Variants in SLCO6A1 observed in about 807,000 individuals in gnomAD.
The protein encoded by SLCO6A1 is solute carrier organic anion transporter family member 6A1.
SLCO6A1 carries 65 observed loss-of-function variants against 72.7 expected under a neutral mutation model. That is an observed-to-expected ratio of 0.89 (90% confidence interval 0.73 to 1.10). SLCO6A1 has a LOEUF of 1.10. Among genes scored for constraint, SLCO6A1 ranks in the 50% least tolerant of loss-of-function variants. The pLI is 0.00. For missense variants in SLCO6A1, 874 were observed against 872.6 expected (o/e 1.00, Z -0.02); for synonymous variants, 314 against 298.2 (o/e 1.05, Z -0.55).
chr5:102,451,331 A>G (rs1000874413), intron 6 of SLCO6A1, among the ~76,000 whole-genome samples: 2 of 152,112 alleles, frequency 1.3e-5, no homozygotes, highest in South Asian at 4.2e-4. Context: ...CATGCCAGTG[A>G]ACTTTGTCTG....
At chr5:102,389,469 G>A (rs1380507635) in intron 11 of SLCO6A1, among the ~76,000 whole-genome samples, 13 of 82,166 alleles carry the variant, frequency 1.6e-4, no homozygotes, top group African/African-American at 6.0e-4. Flanking sequence ...CACACACAGA[G>A]TTGCCCCCAA....
At chr5:102,388,201 C>T (rs1746521221) in intron 12 of SLCO6A1, among the ~76,000 whole-genome samples, 1 of 152,144 alleles carries the variant, frequency 6.6e-6, no homozygotes, top group Admixed American at 6.6e-5. Context: ...AATTATTTCC[C>T]AAACTAAAAT....
At chr5:102,460,757 C>T (rs1750983060) in intron 4 of SLCO6A1, among the ~76,000 whole-genome samples, 1 of 151,712 alleles carries the variant, frequency 6.6e-6, no homozygotes, top group Admixed American at 6.6e-5. Context: ...TCTTACAGAC[C>T]TTGTTTCTCA....
chr5:102,475,191 T>C (rs1384868175), intron 4 of SLCO6A1, among the ~76,000 whole-genome samples: 1 of 152,066 alleles, frequency 6.6e-6, no homozygotes, highest in Non-Finnish European at 1.5e-5. Flanking sequence ...AACTTTAATG[T>C]CCATTGAAAA....
intron 1 of SLCO6A1, among the ~76,000 whole-genome samples, chr5:102,482,457 C>T (rs1220824144): frequency 3.3e-5 from 5 of 152,088 alleles, no homozygotes; most frequent in African/African-American, 7.2e-5. Context: ...ACCCCTTGAT[C>T]GCAGATAACA....
Position 102,442,988 on chromosome 5 carries a change from G to A in SLCO6A1, c.1132-4227C>T, listed in dbSNP as rs1338254448. Among the ~76,000 whole-genome samples the A allele has an allele frequency of 2.0e-5, 3 of 152,308 alleles. No individual in the cohort carries two copies. The East Asian group carries it at 5.8e-4, about 29-fold the overall frequency. ...CAAGGCGGGTGGATCACAAGGTCAG[G>A]AGATCAAGACCATTCTGGCTAACAT... On this transcript the variant is annotated intron_variant, in intron 6 of 13. Transcript: ENST00000506729.
intron 10 of SLCO6A1, among the ~76,000 whole-genome samples, chr5:102,394,755 G>A (rs1031597226): frequency 6.6e-6 from 1 of 151,824 alleles, no homozygotes; most frequent in African/African-American, 2.4e-5. Flanking sequence ...TGTGATGAAA[G>A]GATAAAATAT....
At chr5:102,465,230 T>C (rs1751250184) in intron 4 of SLCO6A1, among the ~76,000 whole-genome samples, 1 of 152,068 alleles carries the variant, frequency 6.6e-6, no homozygotes, top group African/African-American at 2.4e-5. Flanking sequence ...CTTGGCCCAG[T>C]TCTCAGAGAG....
intron 10 of SLCO6A1, among the ~76,000 whole-genome samples, chr5:102,396,123 A>C (rs1000924365): frequency 6.6e-6 from 1 of 152,126 alleles, no homozygotes; most frequent in Non-Finnish European, 1.5e-5. Context: ...GCCCATGCCT[A>C]TGTGCTGAAT....
intron 6 of SLCO6A1, among the ~76,000 whole-genome samples, chr5:102,453,453 C>T (rs550133311): frequency 1.1e-4 from 17 of 152,158 alleles, no homozygotes; most frequent in Non-Finnish European, 1.6e-4. Context: ...AACACCTGAG[C>T]CACCTCAGAG....
intron 9 of SLCO6A1, among the ~76,000 whole-genome samples, chr5:102,411,690 T>C (rs1003577033): frequency 6.6e-6 from 1 of 152,128 alleles, no homozygotes; most frequent in African/African-American, 2.4e-5. Context: ...TGGGTTTTAT[T>C]TAACCCTCTT....
At chr5:102,428,626 A>AT (rs1274361183) in intron 7 of SLCO6A1, among the ~76,000 whole-genome samples, 1 of 151,944 alleles carries the variant, frequency 6.6e-6, no homozygotes, top group African/African-American at 2.4e-5. Context: ...CCTGATAGTT[A>AT]TTTTTTCTGA....
At chr5:102,429,421 G>GT (rs1749089584) in intron 7 of SLCO6A1, among the ~76,000 whole-genome samples, 3 of 152,222 alleles carry the variant, frequency 2.0e-5, no homozygotes, top group South Asian at 4.2e-4. Flanking sequence ...TTCTTCTAGG[G>GT]TTTTTATAGT....
chr5:102,498,815 C>G lies in SLCO6A1; in HGVS notation c.30G>C (p.Gly10=). 6.2e-7 allele frequency: 1 copy of G among 1,612,648 alleles called. No individual in the cohort carries two copies. Among genetic ancestry groups the G allele is most frequent in the Non-Finnish European group, 8.5e-7 (1 of 1,179,644 alleles). ...CTCCCCTTGAGACTTCATCCTGGCTCCCAGAGTGCCGGGCGACGCCTACGA... is the reference window on the plus strand; with the variant it reads ...CTCCCCTTGAGACTTCATCCTGGCTGCCAGAGTGCCGGGCGACGCCTACGA... The part of the protein sequence containing the change: MFVGVARHS[G]SQDEVSRGVE... The change falls in exon 1 of 14, where the codon GGG becomes GGC. Residue 10 remains glycine, a synonymous_variant. Transcript: ENST00000506729.
chr5:102,407,788 T>C (rs556246357), intron 9 of SLCO6A1, among the ~76,000 whole-genome samples: 1 of 152,162 alleles, frequency 6.6e-6, no homozygotes, highest in East Asian at 1.9e-4. Context: ...AGCAAAAAAA[T>C]TAGAGCCTTC....
At chr5:102,426,299 C>T (rs1748888354) in intron 7 of SLCO6A1, among the ~76,000 whole-genome samples, 1 of 152,136 alleles carries the variant, frequency 6.6e-6, no homozygotes, top group South Asian at 2.1e-4. Flanking sequence ...AGCTTCTGCA[C>T]AGCAAAAGAA....
At chr5:102,492,779 T>A (rs1405298237) in intron 1 of SLCO6A1, among the ~76,000 whole-genome samples, 2 of 152,172 alleles carry the variant, frequency 1.3e-5, no homozygotes, top group African/African-American at 4.8e-5. Context: ...CCACGAAGCC[T>A]CACTCATTGC....
intron 6 of SLCO6A1, among the ~76,000 whole-genome samples, chr5:102,446,121 A>T (rs917041048): frequency 3.3e-5 from 5 of 152,212 alleles, no homozygotes; most frequent in African/African-American, 7.2e-5. Flanking sequence ...TGTCATTGGT[A>T]GTTCATTAGG....
chr5:102,453,332 T>C (rs1252637817), intron 6 of SLCO6A1, among the ~76,000 whole-genome samples: 1 of 109,780 alleles, frequency 9.1e-6, no homozygotes, highest in South Asian at 3.2e-4. Context: ...AGTGAGACCC[T>C]GCCTCAAAAA....
Sources: allele counts gnomAD v4.1 joint callset (sites outside exome capture counted in the v4.1 genomes callset), GRCh38; gene constraint gnomAD v4.1.1; transcripts MANE v1.5; gene names NCBI Gene and HGNC (gene_info 2026-07-23, HGNC 2026-07-21).